The following ERBB2 variants were observed in gnomAD, a reference collection of about 807,000 sequenced individuals.
ERBB2 encodes the protein receptor tyrosine-protein kinase erbB-2.
ERBB2 carries 61 observed loss-of-function variants against 149.0 expected under a neutral mutation model. The observed-to-expected ratio is 0.41, with a 90% CI of 0.33 to 0.51. ERBB2 has a LOEUF of 0.51. Ranked by LOEUF, ERBB2 falls within the 20% of genes least tolerant of loss-of-function variation. The probability of loss-of-function intolerance (pLI) is 0.25; values close to 1 mark genes in which losing one functional copy is unlikely to be tolerated. For synonymous variants in ERBB2, 633 were observed against 678.8 expected, an observed-to-expected ratio of 0.93 and a Z score of 1.05; for missense variants, 1,205 against 1,655.1, an observed-to-expected ratio of 0.73 and a Z score of 4.72.
At chr17:39,688,760 C>G (rs999165141) in exon 2 of ERBB2, 2 of 152,354 alleles carry the variant, frequency 1.3e-5, no homozygotes, top group Non-Finnish European at 2.9e-5. Context: ...CCTTTGCTGT[C>G]CTGTTCACCA....
rs2143277365 is a variant in ERBB2 at position 39,727,639 on chromosome 17, A to G, written c.3413-50A>G. On this transcript the variant is annotated intron_variant, in intron 26 of 26. Transcript: ENST00000269571. The surrounding 1 kb of genome is among the most constrained non-coding windows in gnomAD (Gnocchi z 4.3). ...ACTGTGGGGGCAGAGGGAGTGGCAG[A>G]GACACCGGGGTTCCTTCCCCTAATG... is the stretch of plus-strand genomic sequence containing the variant. The G allele has an allele frequency of 6.4e-7, 1 of 1,552,298 alleles. No individual in the cohort carries two copies. The highest frequency in any genetic ancestry group is 8.7e-7 in the Non-Finnish European group (1 of 1,152,114).
chr17:39,708,783 G>A (rs1044481649), intron 3 of ERBB2, among the ~76,000 whole-genome samples: 6 of 152,208 alleles, frequency 3.9e-5, no homozygotes, highest in Non-Finnish European at 8.8e-5. Flanking sequence ...ACTTGGCTGA[G>A]TGAAGTGTAC....
chr17:39,723,467 G>C lies in ERBB2; in HGVS notation c.2085+10G>C, dbSNP rs779929231. ...GCTGCAGGAAACGGAGGTGAGGCGG[G>C]GTGAAGTCCTCCCAGCCCGCGTGGG... On this transcript the variant is annotated intron_variant, in intron 17 of 26. Coordinates refer to ENST00000269571, the MANE Select transcript of ERBB2 (RefSeq NM_004448.4). This position sits in a 1 kb window ranked among gnomAD's most constrained non-coding sequence, Gnocchi z 6.2. 6.2e-7 allele frequency: 1 copy of C among 1,614,146 alleles called. No homozygotes were observed. The highest frequency in any genetic ancestry group is 8.5e-7 in the Non-Finnish European group (1 of 1,180,016).
Position 39,700,378 on chromosome 17 carries a change from T to C in ERBB2, c.73+67T>C, listed in dbSNP as rs537879085. 5 of 1,217,446 alleles carry C rather than the reference T, an allele frequency of 4.1e-6. No homozygotes were observed. In the South Asian group the frequency reaches 1.2e-4, roughly 30 times the overall value. 75.4% of individuals were successfully genotyped at this position (1,217,446 alleles called of 1,614,324 possible). A position where few individuals can be genotyped will look rare whatever the true frequency, so the allele number is the denominator to read the frequency against. On this transcript the variant is annotated intron_variant, in intron 1 of 26. Coordinates refer to ENST00000269571, the MANE Select transcript of ERBB2 (RefSeq NM_004448.4). The stretch of plus-strand genomic sequence containing the variant: ...CTGCCCTGTGGATGCCCCGCCGAGG[T>C]CCCGCGGCCGGCGGGGCCAGAGGGG...
At chr17:39,708,619 A>C (rs1051396770) in intron 3 of ERBB2, 85 bp downstream of exon 3, 1 of 1,077,884 alleles carries the variant, frequency 9.3e-7, no homozygotes. Flanking sequence ...CTTTGTGTGC[A>C]TTAGAAATGG....
In ERBB2 at chr17:39,727,890, C is replaced by T; in HGVS notation, c.3614C>T (p.Pro1205Leu). ...TTGACACCCCAGGGAGGAGCTGCCC[C>T]TCAGCCCCACCCTCCTCCTGCCTTC... The part of the protein sequence containing the change: ...EYLTPQGGAA[P>L]QPHPPPAFSP... Residue 1205 changes from proline to leucine, a missense_variant, in exon 27 of 27, where the codon CCT becomes CTT. Around this residue, in one of 6 missense-constraint regions of ERBB2, gnomAD observed 312 missense variants for 343.8 expected, o/e 0.91. Transcript: ENST00000269571. This position sits in a 1 kb window ranked among gnomAD's most constrained non-coding sequence, Gnocchi z 4.3. 5.0e-6 allele frequency: 8 copies of T among 1,614,146 alleles called. No homozygotes were observed. Among genetic ancestry groups the T allele is most frequent in the Non-Finnish European group, 6.8e-6 (8 of 1,179,996 alleles).
At chr17:39,696,596 C>T (rs1025703268), upstream of ERBB2, 3 of 152,258 alleles carry the variant, frequency 2.0e-5, no homozygotes, top group Admixed American at 6.5e-5. Flanking sequence ...TGGCTCAGTT[C>T]CCAGCTCAGC....
intron 15 of ERBB2, among the ~76,000 whole-genome samples, chr17:39,719,263 G>GA (rs2059319788): frequency 7.3e-6 from 1 of 137,634 alleles, no homozygotes. Context: ...TCCTTCTCAA[G>GA]AAAAAAAAGA....
Position 39,725,977 on chromosome 17 carries a change from C to A in ERBB2, c.2872+124C>A. ...CCCAGGAGCCCTAGTATGTTAGGAGCCTCAAAACCTTCTTGTATCCCTTTT... is the reference window on the plus strand; with the variant it reads ...CCCAGGAGCCCTAGTATGTTAGGAGACTCAAAACCTTCTTGTATCCCTTTT... On this transcript the variant is annotated intron_variant, in intron 23 of 26. Coordinates refer to ENST00000269571, the MANE Select transcript of ERBB2 (RefSeq NM_004448.4). The surrounding 1 kb of genome is among the most constrained non-coding windows in gnomAD (Gnocchi z 4.6). 1 of 961,422 alleles carries A rather than the reference C, an allele frequency of 1.0e-6. No homozygotes were observed. The highest frequency in any genetic ancestry group is 1.6e-6 in the Non-Finnish European group (1 of 637,078). 59.6% of individuals were successfully genotyped at this position (961,422 alleles called of 1,614,324 possible). A position where few individuals can be genotyped will look rare whatever the true frequency, so the allele number is the denominator to read the frequency against.
rs2059777944 is a variant in ERBB2 at position 39,726,578 on chromosome 17, T to A, written c.2889T>A (p.Ser963=). Residue 963 remains serine (S), a synonymous_variant, in exon 24 of 27, where the codon TCT becomes TCA. Transcript: ENST00000269571. The surrounding 1 kb of genome is among the most constrained non-coding windows in gnomAD (Gnocchi z 5.1). The part of the protein sequence containing the change: ...MIMVKCWMID[S]ECRPRFRELV... ...CTGCCCCAGGTTGGATGATTGACTC[T>A]GAATGTCGGCCAAGATTCCGGGAGT... 6.2e-7 allele frequency: 1 copy of A among 1,614,114 alleles called. No homozygotes were observed. Among genetic ancestry groups the A allele is most frequent in the East Asian group, 2.2e-5 (1 of 44,878 alleles).
At chr17:39,691,912 T>TATAG (rs1303619211), upstream of ERBB2, among the ~76,000 whole-genome samples, 35 of 101,600 alleles carry the variant, frequency 3.4e-4, no homozygotes, top group African/African-American at 1.3e-3. Flanking sequence ...TATATATACA[T>TATAG]ATACATATAC....
At chr17:39,719,272 GAAAA>G (rs902176150) in intron 15 of ERBB2, among the ~76,000 whole-genome samples, 5 of 139,776 alleles carry the variant, frequency 3.6e-5, no homozygotes, top group Non-Finnish European at 4.7e-5. Flanking sequence ...AGAAAAAAAA[GAAAA>G]AAAAAAAGAA....
In ERBB2 at chr17:39,726,377, G is replaced by A; in HGVS notation, c.2873-185G>A. 1.2e-5 allele frequency: 7 copies of A among 573,442 alleles called. No homozygotes were observed. In the South Asian group the frequency reaches 1.7e-4, roughly 14 times the overall value. 35.5% of individuals were successfully genotyped at this position (573,442 alleles called of 1,614,324 possible). On this transcript the variant is annotated intron_variant, in intron 23 of 26. Transcript: ENST00000269571. The surrounding 1 kb of genome is among the most constrained non-coding windows in gnomAD (Gnocchi z 5.1). ...CAAAAAGAAAAAAAAAATTAAAAGG[G>A]AAACTAGAAGAGATGCCAAAGGTTC...
At chr17:39,690,012 A>G (rs2057660284), upstream of ERBB2, among the ~76,000 whole-genome samples, 1 of 152,202 alleles carries the variant, frequency 6.6e-6, no homozygotes, top group African/African-American at 2.4e-5. Flanking sequence ...ATTTATAAAT[A>G]ACTATACATA....
chr17:39,692,387 A>G (rs2057732114), upstream of ERBB2, among the ~76,000 whole-genome samples: 1 of 152,038 alleles, frequency 6.6e-6, no homozygotes, highest in Admixed American at 6.6e-5. Flanking sequence ...TGCCTGATCA[A>G]TAGGGAAGTA....
Position 39,700,083 on chromosome 17 carries a change from G to A in ERBB2, c.-156G>A. The A allele has an allele frequency of 1.6e-6, 2 of 1,273,434 alleles. No homozygotes were observed. The highest frequency in any genetic ancestry group is 2.0e-6 in the Non-Finnish European group (2 of 1,013,260). 78.9% of individuals were successfully genotyped at this position (1,273,434 alleles called of 1,614,324 possible). On this transcript the variant is annotated 5_prime_UTR_variant, in exon 1 of 27. Coordinates refer to ENST00000269571, the MANE Select transcript of ERBB2 (RefSeq NM_004448.4). Reference sequence around the variant, plus strand: ...GAGATTCCCCTCCATTGGGACCGGAGAAACCAGGGGAGCCCCCCGGGCAGC... The same window carrying A: ...GAGATTCCCCTCCATTGGGACCGGAAAAACCAGGGGAGCCCCCCGGGCAGC...
At chr17:39,710,251 GGGGT>G in intron 6 of ERBB2, 50 bp downstream of exon 6, 3 of 1,607,896 alleles carry the variant, frequency 1.9e-6, no homozygotes, top group Non-Finnish European at 2.6e-6. Context: ...CAGGATGCAA[GGGGT>G]GGGCACCCTG....
At chr17:39,720,602 A>G (rs938438358) in intron 16 of ERBB2, among the ~76,000 whole-genome samples, 1 of 152,148 alleles carries the variant, frequency 6.6e-6, no homozygotes, top group African/African-American at 2.4e-5. Context: ...GAGGGTGACA[A>G]GAATATTGGA....
intron 9 of ERBB2, among the ~76,000 whole-genome samples, chr17:39,712,836 G>A (rs1165137894): frequency 6.6e-6 from 1 of 152,144 alleles, no homozygotes; most frequent in Non-Finnish European, 1.5e-5. Context: ...ATGAACTACC[G>A]ATACAACATA....
Sources: allele counts gnomAD v4.1 joint callset (sites outside exome capture counted in the v4.1 genomes callset), GRCh38; gene constraint gnomAD v4.1.1; regional missense constraint gnomAD v4.1.1; non-coding constraint Gnocchi (gnomAD v3.1); transcripts MANE v1.5; gene names NCBI Gene and HGNC (gene_info 2026-07-23, HGNC 2026-07-21).